Variants in OGFOD1 observed in about 807,000 individuals in gnomAD.
OGFOD1 encodes 2-oxoglutarate and iron dependent oxygenase domain containing 1.
A neutral mutation model predicts 67.7 loss-of-function variants in OGFOD1; 54 were observed. The observed-to-expected ratio is 0.80, with a 90% CI of 0.64 to 1.00. The LOEUF is 1.00. OGFOD1 is among the 50% of genes least tolerant of loss of function. The probability of loss-of-function intolerance (pLI) is 0.00; values close to 1 mark genes in which losing one functional copy is unlikely to be tolerated. For synonymous variants in OGFOD1, 221 were observed against 227.0 expected (o/e 0.97, Z 0.24); for missense variants, 606 against 646.7 (o/e 0.94, Z 0.68).
intron 2 of OGFOD1, among the ~76,000 whole-genome samples, chr16:56,455,284 T>G (rs1384301693): frequency 6.6e-6 from 1 of 152,008 alleles, no homozygotes; most frequent in African/African-American, 2.4e-5. Flanking sequence ...GGAGAATCGC[T>G]TGAACCCAGG....
chr16:56,451,832 G>T, intron 1 of OGFOD1, 66 bp downstream of exon 1: 1 of 1,561,434 alleles, frequency 6.4e-7, no homozygotes, highest in South Asian at 1.2e-5. Context: ...AAAGCCCTGG[G>T]ACTCGCGCCC....
chr16:56,454,103 T>C (rs1435470865), intron 2 of OGFOD1, among the ~76,000 whole-genome samples: 1 of 152,162 alleles, frequency 6.6e-6, no homozygotes, highest in Non-Finnish European at 1.5e-5. Context: ...ATCGCAGAAC[T>C]TTGGGAGGCC....
intron 5 of OGFOD1, 110 bp downstream of exon 5, chr16:56,466,378 A>G (rs1386109877): frequency 1.5e-6 from 1 of 669,160 alleles, no homozygotes; most frequent in South Asian, 1.9e-5. Context: ...CCTCAAAGGA[A>G]GTGGAAGCTA....
intron 3 of OGFOD1, among the ~76,000 whole-genome samples, chr16:56,461,927 T>C (rs1962723910): frequency 6.6e-6 from 1 of 152,022 alleles, no homozygotes; most frequent in South Asian, 2.1e-4. Flanking sequence ...ACCCCATCTC[T>C]ACTAAAAATA....
rs562056921 is a variant in OGFOD1, at chr16:56,473,325, C to T, written c.1286-1503C>T. On this transcript the variant is annotated intron_variant, in intron 10 of 12. Transcript: ENST00000566157. ...GCCACAATTAAGTTTTGAAAAACAC[C>T]GTTCTCTAGTATACTTTTTAATGCT... is the stretch of plus-strand genomic sequence containing the variant. 5.9e-5 allele frequency among the ~76,000 whole-genome samples: 9 copies of T among 152,232 alleles called. No individual in the cohort carries two copies. In the South Asian group the frequency reaches 1.5e-3, roughly 25 times the overall value.
intron 4 of OGFOD1, among the ~76,000 whole-genome samples, chr16:56,464,828 G>C (rs1962840462): frequency 6.6e-6 from 1 of 151,906 alleles, no homozygotes; most frequent in African/African-American, 2.4e-5. Flanking sequence ...AAAGAATCCT[G>C]GTTCCTTTTA....
intron 1 of OGFOD1, 82 bp downstream of exon 1, chr16:56,451,848 T>G: frequency 6.7e-7 from 1 of 1,498,122 alleles, no homozygotes; most frequent in Non-Finnish European, 8.9e-7. Context: ...CGCCCAGCCT[T>G]GGGCAGCGGG....
rs147413665 is a variant in OGFOD1 at position 56,470,618 on chromosome 16, C to T, written c.1112C>T (p.Ser371Leu). Residue 371 changes from serine to leucine, a missense_variant, in exon 10 of 13, where the codon TCG (serine) becomes TTG (leucine). Physicochemically the swap from Ser to Leu is moderately radical, Grantham distance 145 (BLOSUM62 -2). Coordinates refer to ENST00000566157, the MANE Select transcript of OGFOD1 (RefSeq NM_018233.4). ...TGLKLHFLAP[S>L]EEDEMNDKKE... Reference sequence around the variant, plus strand: ...CTGAAGCTTCATTTCTTGGCCCCTTCGGAAGAAGATGAGATGAATGATAAA... The same window carrying T: ...CTGAAGCTTCATTTCTTGGCCCCTTTGGAAGAAGATGAGATGAATGATAAA... 51 of 1,614,082 alleles carry T rather than the reference C, an allele frequency of 3.2e-5. No homozygotes were observed. In the East Asian group the frequency reaches 3.6e-4, roughly 11 times the overall value.
chr16:56,464,741 A>G (rs1962837880), intron 4 of OGFOD1, among the ~76,000 whole-genome samples: 2 of 152,012 alleles, frequency 1.3e-5, no homozygotes, highest in Admixed American at 1.3e-4. Flanking sequence ...TACTTTCTGC[A>G]AAACAAGATT....
At chr16:56,467,397 T>G (rs1462890808) in intron 7 of OGFOD1, 104 bp downstream of exon 7, 9 of 1,283,294 alleles carry the variant, frequency 7.0e-6, no homozygotes, top group African/African-American at 1.5e-5. Context: ...GACCTTGAGC[T>G]TGCCCCTTTC....
rs1373531559 is a variant in OGFOD1 at position 56,478,164 on chromosome 16, T to A, written c.*1959T>A. On this transcript the variant is annotated 3_prime_UTR_variant, in exon 13 of 13. Coordinates refer to ENST00000566157, the MANE Select transcript of OGFOD1 (RefSeq NM_018233.4). Reference sequence around the variant, plus strand: ...ACCATACTATTTTGGAGACCACAATTTTTTTTGCGTTTGAGATGGAGTCTC... The same window carrying A: ...ACCATACTATTTTGGAGACCACAATATTTTTTGCGTTTGAGATGGAGTCTC... 6.6e-6 allele frequency: 1 copy of A among 152,050 alleles called. No individual in the cohort carries two copies. The highest frequency in any genetic ancestry group is 2.4e-5 in the African/African-American group (1 of 41,418). 9.4% of individuals were successfully genotyped at this position (152,050 alleles called of 1,614,324 possible). A position where few individuals can be genotyped will look rare whatever the true frequency, so the allele number is the denominator to read the frequency against.
In OGFOD1 at chr16:56,467,449, CAG is replaced by C. The variant is rs1638910528; in HGVS notation, c.786+159_786+160del. Among the ~76,000 whole-genome samples the C allele has an allele frequency of 2.1e-5, 3 of 140,272 alleles. No individual in the cohort carries two copies. The South Asian group carries it at 6.8e-4, about 32-fold the overall frequency. The allele number at this position is 140,272 out of a possible 152,430, so 92.0% of individuals were successfully genotyped here. A position where few individuals can be genotyped will look rare whatever the true frequency, so the allele number is the denominator to read the frequency against. On this transcript the variant is annotated intron_variant, in intron 7 of 12. Coordinates refer to ENST00000566157, the MANE Select transcript of OGFOD1 (RefSeq NM_018233.4). ...TTCTTCCTTTTTTTTTTTTTTGAGA[CAG>C]AGTCTTGCTCCGTCACCCAGGCTGG...
intron 1 of OGFOD1, among the ~76,000 whole-genome samples, chr16:56,452,853 C>T (rs565530831): frequency 6.4e-4 from 97 of 152,146 alleles, no homozygotes; most frequent in Non-Finnish European, 1.2e-3. Flanking sequence ...GTAAATGCCT[C>T]TGACAGTAAC....
In OGFOD1 at chr16:56,467,153, T is replaced by A; in HGVS notation, c.658-12T>A. On this transcript the variant is annotated splice_polypyrimidine_tract_variant and intron_variant, in intron 6 of 12. Transcript: ENST00000566157. ...TCTTCGTGTTGATGTGCTACTGGGC[T>A]TCTCCTTTCAGGTGTCTGAAGTGCT... 6.2e-7 allele frequency: 1 copy of A among 1,614,124 alleles called. No homozygotes were observed. Among genetic ancestry groups the A allele is most frequent in the Non-Finnish European group, 8.5e-7 (1 of 1,179,996 alleles).
In OGFOD1 at chr16:56,451,596, C is replaced by G. The variant is rs766609058; in HGVS notation, c.-17C>G. On this transcript the variant is annotated 5_prime_UTR_variant, in exon 1 of 13. Transcript: ENST00000566157. ...GCGTCTTGATCTGCGTGGCGTGGTT[C>G]TGTGCCTTGGGAAGAGATGAATGGG... is the stretch of plus-strand genomic sequence containing the variant. 1 of 1,612,852 alleles carries G rather than the reference C, an allele frequency of 6.2e-7. No homozygotes were observed. Among genetic ancestry groups the G allele is most frequent in the African/African-American group, 1.3e-5 (1 of 74,922 alleles).
chr16:56,471,246 A>C (rs998716830), intron 10 of OGFOD1, among the ~76,000 whole-genome samples: 145 of 151,882 alleles, frequency 9.5e-4, no homozygotes, highest in Non-Finnish European at 1.8e-3. Flanking sequence ...CCTGTAATCC[A>C]AGCTACTCAG....
chr16:56,462,394 T>A, intron 3 of OGFOD1, 140 bp from the exon 4 acceptor site: 1 of 595,074 alleles, frequency 1.7e-6, no homozygotes, highest in Non-Finnish European at 3.0e-6. Flanking sequence ...TTTCTCAGAA[T>A]GTCTCAAATG....
At position 56,458,712 on chromosome 16, in the gene OGFOD1, T is replaced by C. The variant is rs533405276; in HGVS notation, c.347+118T>C. 33 of 839,554 alleles carry C rather than the reference T, an allele frequency of 3.9e-5. No individual in the cohort carries two copies. In the East Asian group the frequency reaches 8.7e-4, roughly 22 times the overall value. 52.0% of individuals were successfully genotyped at this position (839,554 alleles called of 1,614,324 possible). ...TCTTGTTGACATTGTTAACCCACTT[T>C]GTAGAGGAGGAAAGAGACCGAGAAA... On this transcript the variant is annotated intron_variant, in intron 3 of 12. Transcript: ENST00000566157.
chr16:56,463,714 G>C (rs12917832), intron 4 of OGFOD1, among the ~76,000 whole-genome samples: 1 of 151,346 alleles, frequency 6.6e-6, no homozygotes, highest in Non-Finnish European at 1.5e-5. Context: ...GAGCTACCAT[G>C]CCAGTATTTT....
Sources: gnomAD v4.1 joint callset for allele counts (sites outside exome capture counted in the v4.1 genomes callset) on GRCh38, gnomAD v4.1.1 for gene constraint, MANE v1.5 for transcripts, NCBI Gene and HGNC (gene_info 2026-07-23, HGNC 2026-07-21) for gene names.